Variants in ADGRL3 observed in about 807,000 individuals in gnomAD.
ADGRL3 encodes adhesion G protein-coupled receptor L3.
In ADGRL3, 62 loss-of-function variants were observed where a neutral mutation model predicts 153.5. That is an observed-to-expected ratio of 0.40 (90% CI 0.33 to 0.50). ADGRL3 has a LOEUF of 0.50. Ranked by LOEUF, ADGRL3 falls within the 20% of genes least tolerant of loss-of-function variation. ADGRL3 has a pLI of 0.47. For missense variants in ADGRL3, 1,641 were observed against 1,859.4 expected (o/e 0.88, Z 2.16); for synonymous variants, 710 against 672.5 (o/e 1.06, Z -0.86).
At chr4:61,217,421 A>C (rs1180065364) in intron 1 of ADGRL3, among the ~76,000 whole-genome samples, 6 of 152,190 alleles carry the variant, frequency 3.9e-5, no homozygotes, top group Non-Finnish European at 7.4e-5. Context: ...AGACCCAAGC[A>C]TGTTCTGGTG....
At chr4:61,326,742 T>C (rs2150882754) in intron 1 of ADGRL3, among the ~76,000 whole-genome samples, 1 of 151,944 alleles carries the variant, frequency 6.6e-6, no homozygotes, top group East Asian at 1.9e-4. Context: ...GAGCTATTGC[T>C]CAAAAGCTTT....
At chr4:61,691,669 G>A (rs1041074950) in intron 6 of ADGRL3, among the ~76,000 whole-genome samples, 1 of 152,006 alleles carries the variant, frequency 6.6e-6, no homozygotes, top group Non-Finnish European at 1.5e-5. Flanking sequence ...TATCTAATAC[G>A]GATATTTAGC....
At chr4:61,792,323 T>C (rs890570585) in intron 8 of ADGRL3, among the ~76,000 whole-genome samples, 1 of 152,120 alleles carries the variant, frequency 6.6e-6, no homozygotes, top group Non-Finnish European at 1.5e-5. Context: ...TGCTAAAACA[T>C]AGCAAGAGTC....
chr4:61,882,767 A>G (rs2098515994), intron 9 of ADGRL3, among the ~76,000 whole-genome samples: 1 of 152,126 alleles, frequency 6.6e-6, no homozygotes, highest in African/African-American at 2.4e-5. Context: ...TCTTTTATCA[A>G]AATCTTTATT....
intron 21 of ADGRL3, among the ~76,000 whole-genome samples, chr4:62,006,179 C>A (rs1488962942): frequency 6.6e-6 from 1 of 151,268 alleles, no homozygotes; most frequent in Non-Finnish European, 1.5e-5. Flanking sequence ...GGATTACATG[C>A]ATGTGCCATC....
chr4:61,863,142 A>T (rs1300463909), intron 9 of ADGRL3, among the ~76,000 whole-genome samples: 1 of 151,996 alleles, frequency 6.6e-6, no homozygotes, highest in African/African-American at 2.4e-5. Flanking sequence ...GACATTCCAC[A>T]ATGTGCATGA....
At chr4:61,732,364 T>C (rs765753100) in intron 7 of ADGRL3, among the ~76,000 whole-genome samples, 6 of 152,194 alleles carry the variant, frequency 3.9e-5, no homozygotes, top group Non-Finnish European at 5.9e-5. Context: ...AACAATATTT[T>C]TGTTTCAAAA....
chr4:61,419,688 G>A (rs1441638965), intron 2 of ADGRL3, among the ~76,000 whole-genome samples: 1 of 152,100 alleles, frequency 6.6e-6, no homozygotes, highest in African/African-American at 2.4e-5. Flanking sequence ...AGGACATGCT[G>A]TACGCAGTCA....
chr4:61,536,383 A>G (rs966747479), intron 4 of ADGRL3, among the ~76,000 whole-genome samples: 1 of 152,108 alleles, frequency 6.6e-6, no homozygotes, highest in Non-Finnish European at 1.5e-5. Flanking sequence ...TGTTCTGTAG[A>G]TATCTACTAG....
At chr4:62,016,445 A>G (rs768698307) in intron 21 of ADGRL3, among the ~76,000 whole-genome samples, 1 of 152,190 alleles carries the variant, frequency 6.6e-6, no homozygotes, top group Non-Finnish European at 1.5e-5. Flanking sequence ...TTATGTAATG[A>G]GCTAAGTTTC....
intron 17 of ADGRL3, among the ~76,000 whole-genome samples, chr4:61,963,230 T>A (rs1340173648): frequency 6.6e-6 from 1 of 152,154 alleles, no homozygotes; most frequent in Admixed American, 6.6e-5. Context: ...AGAATTTATT[T>A]TTTTATTTTA....
At chr4:62,015,610 G>C (rs1478594333) in intron 21 of ADGRL3, among the ~76,000 whole-genome samples, 1 of 152,026 alleles carries the variant, frequency 6.6e-6, no homozygotes, top group African/African-American at 2.4e-5. Context: ...AATTAGCTGT[G>C]GAAAGGTTTC....
Position 62,071,025 on chromosome 4 carries a change from G to A in ADGRL3, c.*117G>A. 2.2e-6 allele frequency: 2 copies of A among 895,326 alleles called. No individual in the cohort carries two copies. Among genetic ancestry groups the A allele is most frequent in the Non-Finnish European group, 3.3e-6 (2 of 607,466 alleles). The allele number at this position is 895,326 out of a possible 1,614,324, so 55.5% of individuals were successfully genotyped here. On this transcript the variant is annotated 3_prime_UTR_variant, in exon 27 of 27. Coordinates refer to ENST00000683033, the MANE Select transcript of ADGRL3 (RefSeq NM_001387552.1). ...CTAAATCTTTATGCTGTCCTCTAAAGACAAACACAAACTCTCAGACTTTTT... is the reference window on the plus strand; with the variant it reads ...CTAAATCTTTATGCTGTCCTCTAAAAACAAACACAAACTCTCAGACTTTTT...
chr4:61,635,564 CTT>C (rs1326873341), intron 5 of ADGRL3, among the ~76,000 whole-genome samples: 3 of 151,906 alleles, frequency 2.0e-5, no homozygotes, highest in Non-Finnish European at 4.4e-5. Flanking sequence ...CACTGAGACT[CTT>C]AAGTCCTGCT....
chr4:62,009,377 T>A (rs2099173622), intron 21 of ADGRL3, among the ~76,000 whole-genome samples: 1 of 152,052 alleles, frequency 6.6e-6, no homozygotes, highest in Non-Finnish European at 1.5e-5. Flanking sequence ...TAATTTTTTA[T>A]TTAACTATCT....
chr4:61,491,434 A>G (rs1000389635), intron 2 of ADGRL3, among the ~76,000 whole-genome samples: 47 of 152,130 alleles, frequency 3.1e-4, no homozygotes, highest in Admixed American at 3.1e-3. Flanking sequence ...GTTACTATGG[A>G]CAGATATTAT....
chr4:61,220,084 C>T (rs917603145), intron 1 of ADGRL3, among the ~76,000 whole-genome samples: 2 of 144,636 alleles, frequency 1.4e-5, no homozygotes, highest in African/African-American at 5.2e-5. Context: ...TGCACTCCAG[C>T]CTGGGCGACA....
intron 24 of ADGRL3, among the ~76,000 whole-genome samples, chr4:62,038,633 A>T (rs1726432464): frequency 2.0e-5 from 3 of 152,114 alleles, no homozygotes; most frequent in Admixed American, 2.0e-4. Context: ...ACAGAGTCTC[A>T]CTCTGTTGCC....
In ADGRL3 at chr4:61,644,245, T is replaced by G. The variant is rs1174075763; in HGVS notation, c.474-32581T>G. On this transcript the variant is annotated intron_variant, in intron 5 of 26. Coordinates refer to ENST00000683033, the MANE Select transcript of ADGRL3 (RefSeq NM_001387552.1). ...TTGAACCTTTCAAAAAACCAGCTCC[T>G]GGATTCATTAATTTTTTGAAGGGTT... is the stretch of plus-strand genomic sequence containing the variant. Among the ~76,000 whole-genome samples, 9 of 143,858 alleles carry G rather than the reference T, an allele frequency of 6.3e-5. No homozygotes were observed. In the Admixed American group the frequency reaches 6.5e-4, roughly 10 times the overall value. 94.4% of individuals were successfully genotyped at this position (143,858 alleles called of 152,430 possible).
Sources: allele counts gnomAD v4.1 joint callset (sites outside exome capture counted in the v4.1 genomes callset), GRCh38; gene constraint gnomAD v4.1.1; transcripts MANE v1.5; gene names NCBI Gene and HGNC (gene_info 2026-07-23, HGNC 2026-07-21).